The following SNTB1 variants were observed in gnomAD, a reference collection of about 807,000 sequenced individuals.
SNTB1 encodes beta-1-syntrophin.
In SNTB1, 36 loss-of-function variants were observed where a neutral mutation model predicts 48.9. That is an observed-to-expected ratio of 0.74 (90% CI 0.56 to 0.97). The LOEUF (loss-of-function observed/expected upper bound fraction) is 0.97. SNTB1 is among the 50% of genes least tolerant of loss of function. The pLI, the probability that SNTB1 is intolerant of heterozygous loss-of-function variation, is 0.00. For synonymous variants in SNTB1, 299 were observed against 294.6 expected (o/e 1.01, Z -0.15); for missense variants, 786 against 703.4 (o/e 1.12, Z -1.33).
At chr8:120,630,711 A>T (rs1390568978) in intron 3 of SNTB1, among the ~76,000 whole-genome samples, 1 of 152,050 alleles carries the variant, frequency 6.6e-6, no homozygotes, top group Non-Finnish European at 1.5e-5. Flanking sequence ...GATTTTTTCC[A>T]TTAGAGAACC....
At chr8:120,715,172 GGTCATTCA>G (rs1818533758) in intron 1 of SNTB1, among the ~76,000 whole-genome samples, 1 of 152,076 alleles carries the variant, frequency 6.6e-6, no homozygotes, top group African/African-American at 2.4e-5. Context: ...ATGCATTCCA[GGTCATTCA>G]GTCTTGACTT....
Position 120,811,411 on chromosome 8 carries a change from C to T in SNTB1, c.433G>A (p.Gly145Arg), listed in dbSNP as rs1305024539. The T allele has an allele frequency of 6.2e-7, 1 of 1,613,948 alleles. No homozygotes were observed. Among genetic ancestry groups the T allele is most frequent in the African/African-American group, 1.3e-5 (1 of 74,938 alleles). Residue 145 changes from glycine (G) to arginine (R), a missense_variant, in exon 1 of 7, where the codon GGG becomes AGG. Coordinates refer to ENST00000517992, the MANE Select transcript of SNTB1 (RefSeq NM_021021.4). ...GCTTGGGTCTGGTCCGCCGCCAGCC[C>T]CTTGAAGATCTTGCTGATGAGGATG... The part of the protein sequence containing the change: ...MPILISKIFK[G>R]LAADQTQALY...
At chr8:120,595,050 C>A (rs1816300678) in intron 3 of SNTB1, among the ~76,000 whole-genome samples, 1 of 151,858 alleles carries the variant, frequency 6.6e-6, no homozygotes, top group Non-Finnish European at 1.5e-5. Context: ...CTAAAATAAA[C>A]CTCCTCAGAT....
At chr8:120,744,196 AT>A (rs1280698135) in intron 1 of SNTB1, among the ~76,000 whole-genome samples, 1 of 150,156 alleles carries the variant, frequency 6.7e-6, no homozygotes, top group Non-Finnish European at 1.5e-5. Context: ...CTTCACTTCG[AT>A]TTATTTCCAG....
At chr8:120,552,408 G>A (rs909287077) in intron 4 of SNTB1, among the ~76,000 whole-genome samples, 1 of 152,218 alleles carries the variant, frequency 6.6e-6, no homozygotes, top group Admixed American at 6.5e-5. Flanking sequence ...ACCCAGGCTG[G>A]AGTGCAGTGG....
chr8:120,584,984 G>A (rs1416974352), intron 3 of SNTB1, among the ~76,000 whole-genome samples: 8 of 152,002 alleles, frequency 5.3e-5, no homozygotes, highest in Non-Finnish European at 8.8e-5. Context: ...TCCTTATGTC[G>A]TCAGAAGGAA....
intron 3 of SNTB1, among the ~76,000 whole-genome samples, chr8:120,595,783 A>G (rs907340054): frequency 6.6e-6 from 1 of 152,064 alleles, no homozygotes; most frequent in African/African-American, 2.4e-5. Context: ...GGGTTTCTCC[A>G]TGTTGGTCAG....
chr8:120,804,643 C>A (rs1820296172), intron 1 of SNTB1, among the ~76,000 whole-genome samples: 1 of 152,166 alleles, frequency 6.6e-6, no homozygotes, highest in African/African-American at 2.4e-5. Context: ...GGGTGATCTA[C>A]CTTAAATGCA....
At chr8:120,696,647 G>T (rs370254463) in intron 1 of SNTB1, among the ~76,000 whole-genome samples, 2 of 152,192 alleles carry the variant, frequency 1.3e-5, no homozygotes, top group South Asian at 2.1e-4. Flanking sequence ...TTTCAGACCT[G>T]CTAGAAAGAA....
rs917298708 is a variant in SNTB1 at position 120,784,420 on chromosome 8, G to A, written c.571+26853C>T. 3.3e-5 allele frequency among the ~76,000 whole-genome samples: 5 copies of A among 151,948 alleles called. No homozygotes were observed. In the East Asian group the frequency reaches 7.7e-4, roughly 24 times the overall value. On this transcript the variant is annotated intron_variant, in intron 1 of 6. Coordinates refer to ENST00000517992, the MANE Select transcript of SNTB1 (RefSeq NM_021021.4). The stretch of plus-strand genomic sequence containing the variant: ...ATCTCCTATAATATCTCAATAAATC[G>A]CATTTCATAAGCTACTCCACGATGT...
intron 1 of SNTB1, among the ~76,000 whole-genome samples, chr8:120,747,926 T>A (rs1056344764): frequency 1.3e-5 from 2 of 152,248 alleles, no homozygotes; most frequent in African/African-American, 4.8e-5. Flanking sequence ...AACATGGTTG[T>A]CTCTGGGTAG....
At chr8:120,710,443 A>G (rs1241921936) in intron 1 of SNTB1, among the ~76,000 whole-genome samples, 2 of 152,218 alleles carry the variant, frequency 1.3e-5, no homozygotes, top group Admixed American at 6.5e-5. Context: ...GCCTGTTAAC[A>G]TGTAACGCAC....
intron 3 of SNTB1, among the ~76,000 whole-genome samples, chr8:120,593,962 A>G (rs760354459): frequency 1.2e-4 from 18 of 152,084 alleles, no homozygotes; most frequent in Non-Finnish European, 1.8e-4. Context: ...ACTCAATTCA[A>G]TTCTGTATTG....
intron 3 of SNTB1, among the ~76,000 whole-genome samples, chr8:120,605,007 C>T (rs1028117193): frequency 1.3e-5 from 2 of 152,136 alleles, no homozygotes; most frequent in African/African-American, 4.8e-5. Flanking sequence ...TAGTAGCATC[C>T]TGAATCCCCA....
intron 1 of SNTB1, among the ~76,000 whole-genome samples, chr8:120,745,818 A>G (rs1176045836): frequency 2.0e-5 from 3 of 152,036 alleles, no homozygotes; most frequent in Admixed American, 2.0e-4. Flanking sequence ...CTCACCCCAA[A>G]GTCTTGTCCC....
rs908569248 is a variant in SNTB1 at position 120,571,394 on chromosome 8, C to T, written c.1136+3692G>A. 1.4e-5 allele frequency: 17 copies of T among 1,234,260 alleles called. 1 individual carries two copies. Among genetic ancestry groups the T allele is most frequent in the Middle Eastern group, 2.2e-4 (1 of 4,590 alleles). 76.5% of individuals were successfully genotyped at this position (1,234,260 alleles called of 1,614,324 possible). ...GGATGCAAAGTACAGAAAGCAATAG[C>T]GATTGGGCCGAATTCTCATGGACCC... On this transcript the variant is annotated intron_variant, in intron 4 of 6. Transcript: ENST00000517992.
At chr8:120,551,651 G>A (rs753134130) in intron 4 of SNTB1, among the ~76,000 whole-genome samples, 12 of 150,378 alleles carry the variant, frequency 8.0e-5, no homozygotes, top group Non-Finnish European at 1.8e-4. Flanking sequence ...GCTTGAACCC[G>A]GGAGGCAGAG....
intron 3 of SNTB1, among the ~76,000 whole-genome samples, chr8:120,577,935 G>A (rs568271304): frequency 5.3e-4 from 81 of 152,316 alleles, no homozygotes; most frequent in Non-Finnish European, 1.0e-3. Context: ...ATGCAGAGCT[G>A]TTATTTTAAT....
intron 1 of SNTB1, among the ~76,000 whole-genome samples, chr8:120,728,574 A>C (rs1224095260): frequency 6.6e-6 from 1 of 152,198 alleles, no homozygotes; most frequent in Non-Finnish European, 1.5e-5. Flanking sequence ...CCCGCTTATA[A>C]GTGAGAACAT....
Sources: allele counts gnomAD v4.1 joint callset (sites outside exome capture counted in the v4.1 genomes callset), GRCh38; gene constraint gnomAD v4.1.1; transcripts MANE v1.5; gene names NCBI Gene and HGNC (gene_info 2026-07-23, HGNC 2026-07-21).